OPCML: variants seen among roughly 807,000 people sequenced by gnomAD.
OPCML encodes the protein opioid-binding protein/cell adhesion molecule.
OPCML carries 13 observed loss-of-function variants against 37.8 expected under a neutral mutation model. The ratio of observed to expected loss-of-function variants is 0.34; its 90% confidence interval spans 0.22 to 0.55. The LOEUF is 0.55. OPCML is among the 20% of genes least tolerant of loss of function. The pLI is 0.91. For missense variants in OPCML, 341 were observed against 435.6 expected (o/e 0.78, Z 1.93); for synonymous variants, 176 against 168.8 (o/e 1.04, Z -0.33).
chr11:132,912,539 A>T (rs1944460858), intron 2 of OPCML, among the ~76,000 whole-genome samples: 2 of 152,338 alleles, frequency 1.3e-5, no homozygotes, highest in Admixed American at 1.3e-4. Context: ...ACATTTGGAA[A>T]CCTGCAATCT....
chr11:133,413,604 A>G lies in OPCML; in HGVS notation c.61+118660T>C, dbSNP rs371228743. ...GCAAGTCTCAAGTGAAGGACAACTG[A>G]ATGGCTCTTCTCCCTTCATCATGAG... On this transcript the variant is annotated intron_variant, in intron 1 of 7. Coordinates refer to ENST00000524381, the MANE Select transcript of OPCML (RefSeq NM_001012393.5). 7.0e-4 allele frequency among the ~76,000 whole-genome samples: 106 copies of G among 152,282 alleles called. No homozygotes were observed. The Middle Eastern group carries it at 0.01, about 15-fold the overall frequency.
chr11:133,204,058 C>CAAAAAA (rs58343203), intron 1 of OPCML, among the ~76,000 whole-genome samples: 5,322 of 66,446 alleles, frequency 0.08, 722 homozygotes, highest in Non-Finnish European at 0.11. Flanking sequence ...GACTCTGTCT[C>CAAAAAA]AAAAAAAAAA....
Position 133,532,461 on chromosome 11 carries a change from A to AGG in OPCML, c.-138_-137insCC. ...AAGGGAGGGAGAGAGCAGAAGAGAG[A>AGG]GAGAGCGCGCGAGAGATGGGAGCAG... On this transcript the variant is annotated 5_prime_UTR_variant, in exon 1 of 8. Transcript: ENST00000524381. 3 of 1,054,244 alleles carry AGG rather than the reference A, an allele frequency of 2.8e-6. No homozygotes were observed. The South Asian group carries it at 4.2e-5, about 15-fold the overall frequency. The allele number at this position is 1,054,244 out of a possible 1,614,324, so 65.3% of individuals were successfully genotyped here.
chr11:133,252,920 G>T (rs1592142785), intron 1 of OPCML, among the ~76,000 whole-genome samples: 1 of 152,098 alleles, frequency 6.6e-6, no homozygotes. Context: ...GGCCAAGGCG[G>T]GTGGATCACA....
chr11:133,511,298 G>A (rs1948151315), intron 1 of OPCML, among the ~76,000 whole-genome samples: 2 of 152,208 alleles, frequency 1.3e-5, no homozygotes, highest in South Asian at 2.1e-4. Flanking sequence ...TAAACAAAGC[G>A]AGTCCTGCTA....
chr11:133,114,588 C>T (rs763771723), intron 1 of OPCML, among the ~76,000 whole-genome samples: 23 of 152,324 alleles, frequency 1.5e-4, no homozygotes, highest in Non-Finnish European at 2.9e-4. Context: ...CAATGGTCCT[C>T]ATCCTATTCT....
chr11:133,456,934 A>C (rs1334098185), intron 1 of OPCML, among the ~76,000 whole-genome samples: 1 of 152,204 alleles, frequency 6.6e-6, no homozygotes, highest in Non-Finnish European at 1.5e-5. Flanking sequence ...AAAGAGAGAA[A>C]AGGGCAGTGA....
intron 1 of OPCML, among the ~76,000 whole-genome samples, chr11:133,105,539 T>C (rs541555011): frequency 6.6e-6 from 1 of 152,208 alleles, no homozygotes; most frequent in South Asian, 2.1e-4. Context: ...GGTTCAGAAG[T>C]AGGCTGAAAA....
chr11:133,163,300 A>C (rs1415316370), intron 1 of OPCML, among the ~76,000 whole-genome samples: 1 of 152,208 alleles, frequency 6.6e-6, no homozygotes, highest in Non-Finnish European at 1.5e-5. Flanking sequence ...ACTCTGTGGA[A>C]GTGTTTGCTG....
rs191361428 is a variant in OPCML at position 133,114,088 on chromosome 11, G to A, written c.62-171078C>T. 5.9e-5 allele frequency among the ~76,000 whole-genome samples: 9 copies of A among 152,350 alleles called. No homozygotes were observed. In the East Asian group the frequency reaches 1.5e-3, roughly 26 times the overall value. ...AGAATAATCATTCCTGATACTGGCAGTTGTGGAAGAATTTCCACATAAACC... is the reference window on the plus strand; with the variant it reads ...AGAATAATCATTCCTGATACTGGCAATTGTGGAAGAATTTCCACATAAACC... On this transcript the variant is annotated intron_variant, in intron 1 of 7. Transcript: ENST00000524381.
intron 2 of OPCML, among the ~76,000 whole-genome samples, chr11:132,782,917 G>GTATGTATATA (rs1555188315): frequency 1.6e-5 from 2 of 125,088 alleles, no homozygotes; most frequent in African/African-American, 5.8e-5. Context: ...TATAGTGTGT[G>GTATGTATATA]TATATATATA....
intron 1 of OPCML, among the ~76,000 whole-genome samples, chr11:133,184,484 G>A (rs1329757341): frequency 1.3e-5 from 2 of 152,114 alleles, no homozygotes; most frequent in Admixed American, 1.3e-4. Context: ...CGTGGGGAGG[G>A]AAGAAGGCGA....
chr11:132,778,227 T>C (rs2136142143), intron 2 of OPCML, among the ~76,000 whole-genome samples: 1 of 152,336 alleles, frequency 6.6e-6, no homozygotes, highest in South Asian at 2.1e-4. Flanking sequence ...AAACAGCTCC[T>C]AAAAACTTAC....
Position 133,174,255 on chromosome 11 carries a change from G to A in OPCML, c.62-231245C>T, listed in dbSNP as rs886214487. On this transcript the variant is annotated intron_variant, in intron 1 of 7. Coordinates refer to ENST00000524381, the MANE Select transcript of OPCML (RefSeq NM_001012393.5). The surrounding 1 kb of genome is among the most constrained non-coding windows in gnomAD (Gnocchi z 4.6). ...GAGTAACTCCTAGAAGGCGAAGCATGATTAGAACCAAGCCTTCCTGCCAAA... is the reference window on the plus strand; with the variant it reads ...GAGTAACTCCTAGAAGGCGAAGCATAATTAGAACCAAGCCTTCCTGCCAAA... Among the ~76,000 whole-genome samples, 3 of 152,162 alleles carry A rather than the reference G, an allele frequency of 2.0e-5. No individual in the cohort carries two copies. The highest frequency in any genetic ancestry group is 7.2e-5 in the African/African-American group (3 of 41,432).
chr11:133,433,563 C>T (rs984435447), intron 1 of OPCML, among the ~76,000 whole-genome samples: 1 of 152,040 alleles, frequency 6.6e-6, no homozygotes, highest in African/African-American at 2.4e-5. Flanking sequence ...TTGTTTTTAC[C>T]AAGGATTTGA....
Position 132,419,922 on chromosome 11 carries a change from G to A in OPCML, c.*271C>T. On this transcript the variant is annotated 3_prime_UTR_variant, in exon 8 of 8. Transcript: ENST00000524381. ...GAGGAGAGAAGCAGAGGAAAGGGAA[G>A]GGTCAAGGTAGCAGGAGCAGACCCC... The A allele has an allele frequency of 2.5e-6, 1 of 403,082 alleles. No individual in the cohort carries two copies. Among genetic ancestry groups the A allele is most frequent in the Non-Finnish European group, 4.5e-6 (1 of 224,110 alleles). The allele number at this position is 403,082 out of a possible 1,614,324, so 25.0% of individuals were successfully genotyped here. A position where few individuals can be genotyped will look rare whatever the true frequency, so the allele number is the denominator to read the frequency against.
chr11:133,064,784 A>G (rs919903476), intron 1 of OPCML: 1 of 152,168 alleles, frequency 6.6e-6, no homozygotes, highest in Non-Finnish European at 1.5e-5. Flanking sequence ...AGTAAACCTA[A>G]GAAGGCTTTA....
intron 1 of OPCML, among the ~76,000 whole-genome samples, chr11:133,349,790 A>G (rs918315116): frequency 9.2e-5 from 14 of 152,138 alleles, no homozygotes; most frequent in African/African-American, 3.1e-4. Flanking sequence ...GACATGCTAA[A>G]CCATCAGAAA....
chr11:132,753,436 T>C (rs1216720340), intron 2 of OPCML, among the ~76,000 whole-genome samples: 2 of 152,210 alleles, frequency 1.3e-5, no homozygotes, highest in East Asian at 3.9e-4. Flanking sequence ...TTGGCAAATA[T>C]AAATTTAGTG....
Sources: allele counts gnomAD v4.1 joint callset (sites outside exome capture counted in the v4.1 genomes callset), GRCh38; gene constraint gnomAD v4.1.1; non-coding constraint Gnocchi (gnomAD v3.1); transcripts MANE v1.5; gene names NCBI Gene and HGNC (gene_info 2026-07-23, HGNC 2026-07-21).